Variants in VAT1L observed in about 807,000 individuals in gnomAD.
VAT1L encodes putative NADPH-dependent quinone oxidoreductase VAT1L.
VAT1L carries 34 observed loss-of-function variants against 44.1 expected under a neutral mutation model. That is an observed-to-expected ratio of 0.77 (90% CI 0.59 to 1.03). The LOEUF (loss-of-function observed/expected upper bound fraction) is 1.03. Among genes scored for constraint, VAT1L ranks in the 50% least tolerant of loss-of-function variants. VAT1L has a pLI of 0.00. For missense variants in VAT1L, 615 were observed against 538.8 expected (o/e 1.14, Z -1.40); for synonymous variants, 253 against 202.2 (o/e 1.25, Z -2.13).
At chr16:77,940,629 C>A (rs2017870696) in intron 7 of VAT1L, among the ~76,000 whole-genome samples, 1 of 152,180 alleles carries the variant, frequency 6.6e-6, no homozygotes, top group Non-Finnish European at 1.5e-5. Flanking sequence ...AGGCATGAGC[C>A]ACTGCGCCCA....
chr16:77,879,302 T>C lies in VAT1L; in HGVS notation c.882+78T>C. On this transcript the variant is annotated intron_variant, in intron 6 of 8. Transcript: ENST00000302536. The surrounding 1 kb of genome is among the most constrained non-coding windows in gnomAD (Gnocchi z 4.1). ...TGAGAGCTTTGTTTTTGTTTGTTTGTTTGTTTTGAGACAGCGTCTCGTTCT... is the reference window on the plus strand; with the variant it reads ...TGAGAGCTTTGTTTTTGTTTGTTTGCTTGTTTTGAGACAGCGTCTCGTTCT... 2 of 1,513,508 alleles carry C rather than the reference T, an allele frequency of 1.3e-6. No homozygotes were observed. The highest frequency in any genetic ancestry group is 1.1e-5 in the South Asian group (1 of 88,558). The allele number at this position is 1,513,508 out of a possible 1,614,324, so 93.8% of individuals were successfully genotyped here. A position where few individuals can be genotyped will look rare whatever the true frequency, so the allele number is the denominator to read the frequency against.
At chr16:77,968,554 T>C (rs373595348) in intron 7 of VAT1L, among the ~76,000 whole-genome samples, 11 of 152,130 alleles carry the variant, frequency 7.2e-5, no homozygotes, top group Admixed American at 3.3e-4. Flanking sequence ...TGAAACCCCA[T>C]CTCTGCTAAA....
chr16:77,937,601 G>T (rs894064848), intron 7 of VAT1L, among the ~76,000 whole-genome samples: 1 of 152,350 alleles, frequency 6.6e-6, no homozygotes, highest in Admixed American at 6.5e-5. Flanking sequence ...AGGCTAGAAA[G>T]GGAGCTGGAA....
chr16:77,945,278 C>CTTTTT (rs56055464), intron 7 of VAT1L, among the ~76,000 whole-genome samples: 1 of 83,030 alleles, frequency 1.2e-5, no homozygotes, highest in Non-Finnish European at 2.2e-5. Flanking sequence ...GATTGCAGAA[C>CTTTTT]TTTTTTTTTT....
intron 7 of VAT1L, among the ~76,000 whole-genome samples, chr16:77,925,370 T>C (rs1037835981): frequency 6.6e-6 from 1 of 152,172 alleles, no homozygotes; most frequent in Admixed American, 6.5e-5. Context: ...CTTTACCAAA[T>C]AGTCACTAAT....
intron 3 of VAT1L, among the ~76,000 whole-genome samples, chr16:77,857,639 T>C (rs1241163876): frequency 1.3e-5 from 2 of 150,628 alleles, no homozygotes; most frequent in Non-Finnish European, 3.0e-5. Flanking sequence ...AGTAATTCTA[T>C]TTCTCTATTA....
intron 7 of VAT1L, among the ~76,000 whole-genome samples, chr16:77,970,801 T>G (rs393588): frequency 0.33 from 49,862 of 152,078 alleles, 8,419 homozygotes; most frequent in Middle Eastern, 0.38. Context: ...TGTGTAGAAG[T>G]CTTCGGTTTT....
At chr16:77,827,865 A>G (rs1057474977) in intron 3 of VAT1L, among the ~76,000 whole-genome samples, 12 of 152,204 alleles carry the variant, frequency 7.9e-5, no homozygotes, top group African/African-American at 2.7e-4. Context: ...AACTGTTTCC[A>G]TGAAGGTTTT....
intron 7 of VAT1L, among the ~76,000 whole-genome samples, chr16:77,906,428 C>A (rs1393631907): frequency 6.6e-6 from 1 of 152,088 alleles, no homozygotes; most frequent in Non-Finnish European, 1.5e-5. Flanking sequence ...GACAGTCATA[C>A]GATTGATGGA....
At chr16:77,892,431 A>T (rs2017277172) in intron 7 of VAT1L, 2 of 471,094 alleles carry the variant, frequency 4.2e-6, no homozygotes, top group Non-Finnish European at 8.4e-6. Flanking sequence ...ACCATGGTCA[A>T]TCCCACTATG....
intron 4 of VAT1L, among the ~76,000 whole-genome samples, chr16:77,867,371 T>C (rs1394887235): frequency 1.3e-5 from 2 of 152,122 alleles, no homozygotes; most frequent in Non-Finnish European, 2.9e-5. Context: ...ATAAAGCTAT[T>C]AAAAAAACCT....
At chr16:77,890,932 A>C (rs1437483145) in intron 7 of VAT1L, among the ~76,000 whole-genome samples, 1 of 151,834 alleles carries the variant, frequency 6.6e-6, no homozygotes, top group Non-Finnish European at 1.5e-5. Flanking sequence ...GAAAAAAAAA[A>C]AAAAAGACAT....
chr16:77,793,443 A>G (rs1235756930), intron 1 of VAT1L, among the ~76,000 whole-genome samples: 1 of 152,152 alleles, frequency 6.6e-6, no homozygotes, highest in Non-Finnish European at 1.5e-5. Flanking sequence ...ACCAAGGTGT[A>G]TGGTTCGCCC....
chr16:77,803,742 A>G (rs575312775), intron 1 of VAT1L, among the ~76,000 whole-genome samples: 1 of 152,140 alleles, frequency 6.6e-6, no homozygotes, highest in South Asian at 2.1e-4. Flanking sequence ...ATCAGCAGTA[A>G]TGTCTTAGGA....
At chr16:77,889,874 G>A (rs149492609) in intron 7 of VAT1L, among the ~76,000 whole-genome samples, 1 of 151,972 alleles carries the variant, frequency 6.6e-6, no homozygotes, top group Non-Finnish European at 1.5e-5. Flanking sequence ...TTCACTTGAG[G>A]TCGGGAGTTC....
intron 3 of VAT1L, among the ~76,000 whole-genome samples, chr16:77,846,129 G>T (rs141804525): frequency 1.3e-5 from 2 of 152,304 alleles, no homozygotes; most frequent in East Asian, 3.9e-4. Context: ...CCTATGTAAT[G>T]ATAATGAGGT....
Position 77,979,524 on chromosome 16 carries a change from T to G in VAT1L, c.*1829T>G, listed in dbSNP as rs1412635695. 3 of 152,132 alleles carry G rather than the reference T, an allele frequency of 2.0e-5. No individual in the cohort carries two copies. The highest frequency in any genetic ancestry group is 7.2e-5 in the African/African-American group (3 of 41,418). 9.4% of individuals were successfully genotyped at this position (152,132 alleles called of 1,614,324 possible). ...CATCCAAGTGGCATTCCTAGTAAGT[T>G]GGGTAGAAATGACATTTTCCAGAGC... On this transcript the variant is annotated 3_prime_UTR_variant, in exon 9 of 9. Coordinates refer to ENST00000302536, the MANE Select transcript of VAT1L (RefSeq NM_020927.3).
At chr16:77,938,814 GGTGA>G (rs1427407431) in intron 7 of VAT1L, among the ~76,000 whole-genome samples, 1 of 152,088 alleles carries the variant, frequency 6.6e-6, no homozygotes, top group African/African-American at 2.4e-5. Flanking sequence ...AGCAAAAATA[GGTGA>G]GTGAGGAAAG....
chr16:77,845,858 T>C (rs1472730030), intron 3 of VAT1L, among the ~76,000 whole-genome samples: 1 of 152,210 alleles, frequency 6.6e-6, no homozygotes, highest in Admixed American at 6.5e-5. Flanking sequence ...TTACCCTTAT[T>C]AGATTCATCT....
Sources: allele counts gnomAD v4.1 joint callset (sites outside exome capture counted in the v4.1 genomes callset), GRCh38; gene constraint gnomAD v4.1.1; non-coding constraint Gnocchi (gnomAD v3.1); transcripts MANE v1.5; gene names NCBI Gene and HGNC (gene_info 2026-07-23, HGNC 2026-07-21).